Variants in IL17REL observed in about 807,000 individuals in gnomAD.
IL17REL encodes the protein interleukin-17 receptor E-like protein.
Under a neutral mutation model 49.0 loss-of-function variants are expected in IL17REL, and 36 were observed. That is an observed-to-expected ratio of 0.73 (90% CI 0.56 to 0.97). IL17REL has a LOEUF of 0.97. Ranked by LOEUF, IL17REL falls within the 50% of genes least tolerant of loss-of-function variation. The pLI, the probability that IL17REL is intolerant of heterozygous loss-of-function variation, is 0.00. For missense variants in IL17REL, 470 were observed against 453.9 expected (o/e 1.04, Z -0.32); for synonymous variants, 206 against 192.4 (o/e 1.07, Z -0.58).
Position 49,997,081 on chromosome 22 carries a change from G to C in IL17REL, c.975-7C>G, listed in dbSNP as rs375628702. 242 of 1,571,016 alleles carry C rather than the reference G, an allele frequency of 1.5e-4. 5 individuals carry two copies. Among genetic ancestry groups the C allele is most frequent in the Non-Finnish European group, 1.8e-4 (209 of 1,163,176 alleles). On this transcript the variant is annotated splice_polypyrimidine_tract_variant and splice_region_variant and intron_variant, in intron 11 of 12. Coordinates refer to ENST00000341280, the Ensembl canonical transcript of IL17REL. ...GGGCGGCTGCCAGGTCACCCTGGGT[G>C]GGGGAGGGCAGGTCACAGGCAATGG...
At chr22:50,000,379 C>T (rs2061070649) in intron 4 of IL17REL, 99 bp downstream of exon 5, 1 of 875,718 alleles carries the variant, frequency 1.1e-6, no homozygotes, top group Middle Eastern at 2.5e-4. Flanking sequence ...GGGATCTGTC[C>T]AGTGTGAGGG....
At chr22:50,010,555 C>T (rs1047796399), upstream of IL17REL, among the ~76,000 whole-genome samples, 4 of 152,252 alleles carry the variant, frequency 2.6e-5, no homozygotes, top group Non-Finnish European at 5.9e-5. Context: ...CTGGACTCCC[C>T]GCATCCACCT....
At chr22:50,004,970 TAAAAAA>T (rs11455056) in intron 1 of IL17REL, among the ~76,000 whole-genome samples, 2 of 51,970 alleles carry the variant, frequency 3.8e-5, no homozygotes, top group Non-Finnish European at 8.8e-5. Context: ...AACCAGAAAG[TAAAAAA>T]AAAAAAAAAA....
At chr22:49,999,386 G>A (rs2061060077) in intron 6 of IL17REL, 41 bp from the exon 9 acceptor site, 7 of 1,612,784 alleles carry the variant, frequency 4.3e-6, no homozygotes, top group Middle Eastern at 3.3e-4. Flanking sequence ...ACCCATCCCT[G>A]TGCTCCCCTC....
At chr22:50,000,949 C>T in intron 2 of IL17REL, 86 bp from the exon 4 acceptor site, 3 of 1,301,280 alleles carry the variant, frequency 2.3e-6, no homozygotes, top group East Asian at 2.5e-5. Context: ...GTTCCTCTGC[C>T]TTCTCTCTGT....
At chr22:49,996,810 G>C in exon 13 of IL17REL, 1 of 523,524 alleles carries the variant, frequency 1.9e-6, no homozygotes, top group Non-Finnish European at 3.4e-6. Context: ...CACTGGAGCG[G>C]AGGTTGCAGA....
At chr22:50,007,014 T>C (rs1214770398) in intron 1 of IL17REL, among the ~76,000 whole-genome samples, 1 of 150,726 alleles carries the variant, frequency 6.6e-6, no homozygotes, top group Non-Finnish European at 1.5e-5. Context: ...ACAATTTTCA[T>C]AGATGCAGAA....
intron 2 of IL17REL, 94 bp downstream of exon 3, chr22:50,000,988 A>T (rs554292840): frequency 7.9e-7 from 1 of 1,272,532 alleles, no homozygotes; most frequent in African/African-American, 1.5e-5. Flanking sequence ...CCCCTCCCTC[A>T]CCAGGCCGCC....
intron 4 of IL17REL, 101 bp from the exon 6 acceptor site, chr22:50,000,341 G>A (rs1601887800): frequency 1.4e-6 from 1 of 708,118 alleles, no homozygotes; most frequent in Non-Finnish European, 2.4e-6. Context: ...TCTGTCATGC[G>A]ACCTCGAATT....
chr22:50,001,202 G>A (rs200685715), exon 2 of IL17REL: 92 of 1,543,040 alleles, frequency 6.0e-5, no homozygotes, highest in African/African-American at 1.2e-4. Flanking sequence ...GACACGGGGC[G>A]TGGCCGGCAG....
intron 1 of IL17REL, among the ~76,000 whole-genome samples, chr22:50,005,821 T>TAAAAA (rs1008067049): frequency 2.5e-5 from 2 of 80,832 alleles, no homozygotes; most frequent in Non-Finnish European, 5.0e-5. Context: ...CCCCAGAAAA[T>TAAAAA]AAAAAAATAA....
intron 1 of IL17REL, among the ~76,000 whole-genome samples, chr22:50,002,303 G>A (rs558971360): frequency 7.9e-5 from 12 of 152,228 alleles, no homozygotes; most frequent in African/African-American, 2.9e-4. Context: ...GTGCTCCTTC[G>A]CTTCAGTAAA....
exon 5 of IL17REL, chr22:49,999,941 G>T: frequency 6.6e-7 from 1 of 1,525,540 alleles, no homozygotes; most frequent in Non-Finnish European, 8.8e-7. Context: ...TTGCGCCTCC[G>T]GTCCACCCAG....
chr22:50,007,251 C>T (rs984210837), intron 1 of IL17REL, among the ~76,000 whole-genome samples: 1 of 152,066 alleles, frequency 6.6e-6, no homozygotes, highest in Admixed American at 6.6e-5. Flanking sequence ...AAGATCCGCC[C>T]CCTCCACCCA....
At chr22:49,997,253 G>A (rs1450586285) in intron 11 of IL17REL, 67 bp downstream of exon 13, 7 of 1,510,848 alleles carry the variant, frequency 4.6e-6, no homozygotes, top group Non-Finnish European at 5.5e-6. Context: ...CCACCACAGG[G>A]AAGTGATGGG....
At chr22:49,997,952 G>A in intron 9 of IL17REL, 73 bp downstream of exon 11, 2 of 1,559,358 alleles carry the variant, frequency 1.3e-6, no homozygotes, top group Non-Finnish European at 1.7e-6. Flanking sequence ...AAGGGCCCCT[G>A]CCCCACTCCC....
chr22:49,999,209 C>T (rs1173002421), intron 7 of IL17REL, 82 bp downstream of exon 9: 2 of 1,520,696 alleles, frequency 1.3e-6, no homozygotes, highest in East Asian at 2.2e-5. Flanking sequence ...TATCTCATCC[C>T]CCCACGTCAG....
At chr22:50,000,951 T>C in intron 2 of IL17REL, 88 bp from the exon 4 acceptor site, 1 of 1,296,074 alleles carries the variant, frequency 7.7e-7, no homozygotes, top group Non-Finnish European at 1.1e-6. Flanking sequence ...TCCTCTGCCT[T>C]CTCTCTGTGA....
intron 1 of IL17REL, among the ~76,000 whole-genome samples, chr22:50,001,630 C>T (rs2061080954): frequency 6.6e-6 from 1 of 152,250 alleles, no homozygotes; most frequent in Non-Finnish European, 1.5e-5. Flanking sequence ...TGGGAGGCGA[C>T]CCCAAGGTTG....
Sources: allele counts gnomAD v4.1 joint callset (sites outside exome capture counted in the v4.1 genomes callset), GRCh38; gene constraint gnomAD v4.1.1; transcripts MANE v1.5; gene names NCBI Gene and HGNC (gene_info 2026-07-23, HGNC 2026-07-21).